FAM184A: variants seen among roughly 807,000 people sequenced by gnomAD.
FAM184A encodes the protein protein FAM184A.
Under a neutral mutation model 143.8 loss-of-function variants are expected in FAM184A, and 99 were observed. That is an observed-to-expected ratio of 0.69 (90% CI 0.58 to 0.81). The LOEUF is 0.81. Among genes scored for constraint, FAM184A ranks in the 40% least tolerant of loss-of-function variants. The pLI, the probability that FAM184A is intolerant of heterozygous loss-of-function variation, is 0.00. For synonymous variants in FAM184A, 427 were observed against 446.4 expected, an observed-to-expected ratio of 0.96 and a Z score of 0.55; for missense variants, 1,217 against 1,310.5, an observed-to-expected ratio of 0.93 and a Z score of 1.10.
At chr6:119,040,452 C>T (rs1786284883) in intron 1 of FAM184A, among the ~76,000 whole-genome samples, 2 of 152,176 alleles carry the variant, frequency 1.3e-5, no homozygotes, top group Admixed American at 1.3e-4. Context: ...GCCAGAGTGA[C>T]TCTGCTCCGC....
chr6:119,100,474 C>G (rs372978016), intron 1 of FAM184A, among the ~76,000 whole-genome samples: 1 of 152,094 alleles, frequency 6.6e-6, no homozygotes, highest in African/African-American at 2.4e-5. Context: ...TGAGAGCTCT[C>G]AGGCAGAGGG....
In FAM184A at chr6:118,974,520, T is replaced by TCTGAGGTG. The variant is rs750315756; in HGVS notation, c.2822_2823insCACCTCAG (p.Ala942ThrfsTer27). On this transcript the variant is annotated frameshift_variant, in exon 14 of 18. Transcript: ENST00000338891. LOFTEE classifies it high-confidence loss of function. The stretch of plus-strand genomic sequence containing the variant: ...TATTTTTCTCTCTGAGGTGGTCTGC[T>TCTGAGGTG]GTCATGACATCCAACTCTTTTTCAA... The TCTGAGGTG allele has an allele frequency of 6.2e-7, 1 of 1,612,008 alleles. No individual in the cohort carries two copies.
chr6:119,004,578 A>C (rs1048215172), intron 7 of FAM184A, among the ~76,000 whole-genome samples: 2 of 152,232 alleles, frequency 1.3e-5, no homozygotes, highest in Non-Finnish European at 2.9e-5. Context: ...ACTGCTTAAA[A>C]TGTATTTCTT....
chr6:119,052,440 G>A (rs1009284844), intron 1 of FAM184A, among the ~76,000 whole-genome samples: 3 of 152,104 alleles, frequency 2.0e-5, no homozygotes, highest in Non-Finnish European at 4.4e-5. Context: ...CCACCATCTG[G>A]CATTAGGCCT....
At chr6:118,963,680 T>C (rs976454876) in intron 16 of FAM184A, 5 of 152,008 alleles carry the variant, frequency 3.3e-5, no homozygotes, top group South Asian at 2.1e-4. Flanking sequence ...AAATCTGAAT[T>C]TGAAAAACAG....
chr6:119,124,391 C>T lies in FAM184A; in HGVS notation c.-202+24687G>A, dbSNP rs576245622. On this transcript the variant is annotated intron_variant, in intron 1 of 16. Coordinates refer to the FAM184A transcript ENST00000352896. Reference sequence around the variant, plus strand: ...TGTAAATTGTAGAGTTATGTTGAAACTTATAAGGCATCTCTTAAATGTTTA... The same window carrying T: ...TGTAAATTGTAGAGTTATGTTGAAATTTATAAGGCATCTCTTAAATGTTTA... Among the ~76,000 whole-genome samples the T allele has an allele frequency of 5.3e-5, 8 of 152,210 alleles. No individual in the cohort carries two copies. The South Asian group carries it at 1.7e-3, about 32-fold the overall frequency.
At chr6:119,140,188 T>C (rs1488539495) in intron 1 of FAM184A, among the ~76,000 whole-genome samples, 1 of 152,144 alleles carries the variant, frequency 6.6e-6, no homozygotes, top group Admixed American at 6.5e-5. Flanking sequence ...AGGAGGAAAA[T>C]GGTGCAGTCT....
At chr6:119,057,587 T>C (rs551813660) in intron 1 of FAM184A, among the ~76,000 whole-genome samples, 1 of 151,982 alleles carries the variant, frequency 6.6e-6, no homozygotes, top group African/African-American at 2.4e-5. Flanking sequence ...AAAAAAATTT[T>C]TTTAATTATT....
At position 119,023,960 on chromosome 6, in the gene FAM184A, T is replaced by C. The variant is rs765745292; in HGVS notation, c.1013A>G (p.Gln338Arg). ...TTGAATATAATATTCTTTACTTACC[T>C]GAACATTGTTCTCTGCTATGGCAAG... Reference protein sequence around the residue: ...TALAIAENNVQVLQKQLDDAK... With the variant: ...TALAIAENNVRVLQKQLDDAK... Residue 338 changes from glutamine to arginine, a missense_variant and splice_region_variant, in exon 2 of 18, where the codon CAG becomes CGG. Physicochemically the swap from Gln to Arg is conservative, Grantham distance 43. Coordinates refer to ENST00000338891, the MANE Select transcript of FAM184A (RefSeq NM_024581.6). 6.4e-7 allele frequency: 1 copy of C among 1,566,330 alleles called. No homozygotes were observed. The highest frequency in any genetic ancestry group is 8.6e-7 in the Non-Finnish European group (1 of 1,164,136).
At chr6:119,049,903 C>T (rs1786683758) in intron 1 of FAM184A, among the ~76,000 whole-genome samples, 1 of 152,158 alleles carries the variant, frequency 6.6e-6, no homozygotes. Context: ...AAGCAACCTA[C>T]AGAATGGGAG....
At chr6:119,011,490 ACT>A (rs1213344375) in intron 5 of FAM184A, 59 bp from the exon 6 acceptor site, 2 of 1,058,936 alleles carry the variant, frequency 1.9e-6, no homozygotes, top group East Asian at 5.5e-5. Context: ...TACTTTGAAG[ACT>A]CTAAGAAAAA....
At chr6:119,020,873 C>T (rs1785421928) in intron 3 of FAM184A, among the ~76,000 whole-genome samples, 1 of 151,982 alleles carries the variant, frequency 6.6e-6, no homozygotes, top group African/African-American at 2.4e-5. Flanking sequence ...AACCAACCAA[C>T]AACTAAGGTG....
chr6:119,064,024 T>C (rs1409453252), intron 1 of FAM184A, among the ~76,000 whole-genome samples: 1 of 152,134 alleles, frequency 6.6e-6, no homozygotes, highest in Non-Finnish European at 1.5e-5. Flanking sequence ...CTCAAGACTG[T>C]ACCCCGGATC....
At chr6:118,979,314 T>C (rs1486560035) in intron 11 of FAM184A, 51 bp downstream of exon 11, 4 of 1,501,588 alleles carry the variant, frequency 2.7e-6, no homozygotes, top group Non-Finnish European at 9.0e-7. Flanking sequence ...ATTTAAAAAA[T>C]GTTAAAAATG....
intron 3 of FAM184A, 68 bp downstream of exon 3, chr6:119,022,877 C>CA (rs1408495428): frequency 6.3e-6 from 10 of 1,593,018 alleles, no homozygotes; most frequent in Non-Finnish European, 8.6e-6. Context: ...ACTCTGTCTC[C>CA]AAAAAAATAA....
chr6:119,006,691 T>C, intron 6 of FAM184A, 83 bp from the exon 7 acceptor site: 1 of 1,132,684 alleles, frequency 8.8e-7, no homozygotes, highest in South Asian at 2.0e-5. Context: ...TAAAGTTTTT[T>C]ATTTAGTTGT....
chr6:119,029,991 A>G (rs1021170456), intron 1 of FAM184A, among the ~76,000 whole-genome samples: 3 of 152,154 alleles, frequency 2.0e-5, no homozygotes, highest in Admixed American at 6.6e-5. Context: ...GGCAGCCACA[A>G]ATAAAAAATA....
chr6:119,146,711 T>A (rs1150131), intron 1 of FAM184A, among the ~76,000 whole-genome samples: 2,089 of 152,266 alleles, frequency 0.014, 42 homozygotes, highest in African/African-American at 0.048. Context: ...TAAGGAATAA[T>A]GTCAGCATAG....
At chr6:119,077,782 G>A (rs1260948642) in intron 1 of FAM184A, among the ~76,000 whole-genome samples, 1 of 152,194 alleles carries the variant, frequency 6.6e-6, no homozygotes, top group Non-Finnish European at 1.5e-5. Flanking sequence ...ACTTCAAATG[G>A]TACTGTAGTG....
Sources: gnomAD v4.1 joint callset for allele counts (sites outside exome capture counted in the v4.1 genomes callset) on GRCh38, gnomAD v4.1.1 for gene constraint, MANE v1.5 for transcripts, NCBI Gene and HGNC (gene_info 2026-07-23, HGNC 2026-07-21) for gene names.